Variants in GTPBP4 observed in about 807,000 individuals in gnomAD.
GTPBP4 encodes GTP-binding protein 4.
Under a neutral mutation model 81.7 loss-of-function variants are expected in GTPBP4, and 15 were observed. The ratio of observed to expected loss-of-function variants is 0.18; its 90% confidence interval spans 0.12 to 0.28. GTPBP4 has a LOEUF of 0.28. Among genes scored for constraint, GTPBP4 ranks in the 10% least tolerant of loss-of-function variants. The probability of loss-of-function intolerance (pLI) is 1.00; values close to 1 mark genes in which losing one functional copy is unlikely to be tolerated. For synonymous variants in GTPBP4, 272 were observed against 274.6 expected (o/e 0.99, Z 0.09); for missense variants, 847 against 793.8 (o/e 1.07, Z -0.81).
intron 2 of GTPBP4, among the ~76,000 whole-genome samples, chr10:994,249 A>G (rs1396872779): frequency 9.8e-6 from 1 of 102,242 alleles, no homozygotes; most frequent in East Asian, 3.0e-4. Context: ...TGATTTAAGA[A>G]TGAGATTTTT....
Position 995,965 on chromosome 10 carries a change from C to G in GTPBP4, c.256C>G (p.Leu86Val). The change falls in exon 3 of 17, where the codon CTC becomes GTC. Residue 86 changes from leucine (L) to valine (V), a missense_variant. Physicochemically the swap from Leu to Val is conservative, Grantham distance 32. Coordinates refer to ENST00000360803, the MANE Select transcript of GTPBP4 (RefSeq NM_012341.3). ...HPFYADLMNI[L>V]YDKDHYKLAL... ...GTTCTATGCTGATTTGATGAATATT[C>G]TCTACGACAAGGATCATTACAAGTT... 2 of 1,611,214 alleles carry G rather than the reference C, an allele frequency of 1.2e-6. No individual in the cohort carries two copies.
chr10:1,003,656 C>T (rs1871621), intron 8 of GTPBP4, among the ~76,000 whole-genome samples: 18,933 of 152,228 alleles, frequency 0.12, 1,583 homozygotes, highest in Non-Finnish European at 0.19. Context: ...GCTTCCTCAC[C>T]TCCATGAAAT....
At chr10:990,002 G>A (rs1175543806) in intron 1 of GTPBP4, among the ~76,000 whole-genome samples, 1 of 152,202 alleles carries the variant, frequency 6.6e-6, no homozygotes, top group Admixed American at 6.5e-5. Flanking sequence ...CTCCCAAAGT[G>A]TTAGGATTAC....
At chr10:1,010,352 T>C in intron 12 of GTPBP4, 68 bp from the exon 13 acceptor site, 1 of 798,614 alleles carries the variant, frequency 1.3e-6, no homozygotes, top group Non-Finnish European at 2.2e-6. Context: ...CACAACTCAT[T>C]TTGCGCACGT....
Position 1,019,415 on chromosome 10 carries a change from G to T in GTPBP4, c.*2188G>T. 1 of 787,592 alleles carries T rather than the reference G, an allele frequency of 1.3e-6. No homozygotes were observed. Among genetic ancestry groups the T allele is most frequent in the Non-Finnish European group, 2.0e-6 (1 of 500,010 alleles). 48.8% of individuals were successfully genotyped at this position (787,592 alleles called of 1,614,324 possible). A position where few individuals can be genotyped will look rare whatever the true frequency, so the allele number is the denominator to read the frequency against. Reference sequence around the variant, plus strand: ...ATTTATACATGATGGGCAATCAAGTGCCCCTTTTGCCCTGTTTTTTGGAGA... The same window carrying T: ...ATTTATACATGATGGGCAATCAAGTTCCCCTTTTGCCCTGTTTTTTGGAGA... On this transcript the variant is annotated 3_prime_UTR_variant, in exon 17 of 17. Transcript: ENST00000360803.
Position 1,010,841 on chromosome 10 carries a change from C to CGA in GTPBP4, c.1344+322_1344+323dup, listed in dbSNP as rs541731468. On this transcript the variant is annotated intron_variant, in intron 13 of 16. Transcript: ENST00000360803. ...TGCCTCCTGCACCTCTTCCCTGTCC[C>CGA]GACACTGGTGGAGATGCTGGGCCCC... Among the ~76,000 whole-genome samples, 302 of 45,126 alleles carry CGA rather than the reference C, an allele frequency of 6.7e-3. 12 individuals carry two copies. Among genetic ancestry groups the CGA allele is most frequent in the African/African-American group, 0.023 (235 of 10,232 alleles). 29.6% of individuals were successfully genotyped at this position (45,126 alleles called of 152,430 possible). A position where few individuals can be genotyped will look rare whatever the true frequency, so the allele number is the denominator to read the frequency against.
At position 1,015,871 on chromosome 10, in the gene GTPBP4, A is replaced by T; in HGVS notation, c.1727A>T (p.Asp576Val). The change falls in exon 16 of 17, where the codon GAC becomes GTC. Residue 576 changes from aspartate (D) to valine (V), a missense_variant. By Grantham distance (152) the Asp-to-Val change is radical (BLOSUM62 -3). Around this residue, in one of 3 missense-constraint regions of GTPBP4, gnomAD observed 600 missense variants for 557.1 expected, o/e 1.08. Coordinates refer to ENST00000360803, the MANE Select transcript of GTPBP4 (RefSeq NM_012341.3). ...RSGSCSRTPR[D>V]VSGLRDVKMV... ...GGGAGTTGCTCTCGAACTCCACGTG[A>T]CGTTTCTGGTCTTAGGGATGTCAAG... 6.2e-7 allele frequency: 1 copy of T among 1,613,720 alleles called. No homozygotes were observed. The highest frequency in any genetic ancestry group is 8.5e-7 in the Non-Finnish European group (1 of 1,179,726).
Position 997,825 on chromosome 10 carries a change from C to T in GTPBP4, c.561+517C>T, listed in dbSNP as rs536352070. 4.6e-5 allele frequency among the ~76,000 whole-genome samples: 7 copies of T among 152,166 alleles called. No homozygotes were observed. The East Asian group carries it at 5.8e-4, about 13-fold the overall frequency. On this transcript the variant is annotated intron_variant, in intron 5 of 16. Transcript: ENST00000360803. The stretch of plus-strand genomic sequence containing the variant: ...TGCTGTGTCAGCTTTCACATGAAAT[C>T]GTATGTGGTCTAGTAGAGGGACGGT...
intron 15 of GTPBP4, among the ~76,000 whole-genome samples, chr10:1,015,413 C>T (rs1348399069): frequency 2.5e-3 from 310 of 121,714 alleles, no homozygotes; most frequent in African/African-American, 0.011. Flanking sequence ...GGGTCCTGAG[C>T]GCTGAGCCTG....
intron 10 of GTPBP4, chr10:1,008,025 TTG>T (rs1366073396): frequency 1.0e-5 from 5 of 497,592 alleles, no homozygotes; most frequent in Non-Finnish European, 2.0e-5. Context: ...CTGTACATTT[TTG>T]AACTATTAAC....
At chr10:1,014,964 G>T (rs1030230551) in intron 15 of GTPBP4, among the ~76,000 whole-genome samples, 3 of 152,114 alleles carry the variant, frequency 2.0e-5, no homozygotes, top group South Asian at 4.1e-4. Context: ...TAGATGTGCA[G>T]TCTGCAGTTT....
intron 16 of GTPBP4, 90 bp downstream of exon 16, chr10:1,015,986 G>C: frequency 8.6e-7 from 1 of 1,168,868 alleles, no homozygotes; most frequent in Non-Finnish European, 1.2e-6. Flanking sequence ...GTTGCCATTT[G>C]CAGGAACTAT....
intron 5 of GTPBP4, among the ~76,000 whole-genome samples, chr10:998,646 A>G (rs1831573648): frequency 6.6e-6 from 1 of 152,224 alleles, no homozygotes; most frequent in Non-Finnish European, 1.5e-5. Context: ...CACATGAGCC[A>G]CATACTGAAA....
At chr10:1,005,271 G>C (rs913705087) in intron 8 of GTPBP4, among the ~76,000 whole-genome samples, 1 of 152,024 alleles carries the variant, frequency 6.6e-6, no homozygotes, top group Non-Finnish European at 1.5e-5. Flanking sequence ...TCAGCCTCCC[G>C]AGTAGCTGGG....
At chr10:996,876 A>G (rs953457453) in intron 4 of GTPBP4, 6 of 286,962 alleles carry the variant, frequency 2.1e-5, no homozygotes, top group African/African-American at 1.1e-4. Context: ...TTCAAAGTGC[A>G]CTGGTTCCCT....
chr10:996,908 A>G lies in GTPBP4; in HGVS notation c.461-300A>G, dbSNP rs74119264. 1.8e-3 allele frequency: 622 copies of G among 341,384 alleles called. 7 individuals carry two copies. Among genetic ancestry groups the G allele is most frequent in the African/African-American group, 0.013 (587 of 45,822 alleles). 21.1% of individuals were successfully genotyped at this position (341,384 alleles called of 1,614,324 possible). A position where few individuals can be genotyped will look rare whatever the true frequency, so the allele number is the denominator to read the frequency against. ...CCCTAATGTCATCTTGCTAATGAGA[A>G]TTGTCTGGACACTGCCAGACATGCT... is the stretch of plus-strand genomic sequence containing the variant. On this transcript the variant is annotated intron_variant, in intron 4 of 16. Transcript: ENST00000360803.
At chr10:1,007,289 GT>G in intron 10 of GTPBP4, 161 bp downstream of exon 10, 1 of 579,130 alleles carries the variant, frequency 1.7e-6, no homozygotes, top group Non-Finnish European at 3.1e-6. Flanking sequence ...GATCGAGAAG[GT>G]GAAGAAAGTG....
At chr10:990,863 CAG>C (rs1408325335) in intron 1 of GTPBP4, among the ~76,000 whole-genome samples, 1 of 151,018 alleles carries the variant, frequency 6.6e-6, no homozygotes, top group African/African-American at 2.4e-5. Context: ...GTTGGAGAGT[CAG>C]GGGGAACCTT....
intron 5 of GTPBP4, among the ~76,000 whole-genome samples, chr10:997,929 C>G (rs1017326704): frequency 2.0e-5 from 3 of 152,124 alleles, no homozygotes; most frequent in Admixed American, 2.0e-4. Flanking sequence ...TTTGTTGCTT[C>G]AGGAAAGTTT....
Sources: allele counts gnomAD v4.1 joint callset (sites outside exome capture counted in the v4.1 genomes callset), GRCh38; gene constraint gnomAD v4.1.1; regional missense constraint gnomAD v4.1.1; transcripts MANE v1.5; gene names NCBI Gene and HGNC (gene_info 2026-07-23, HGNC 2026-07-21).